Variants in KCNK13 observed in about 807,000 individuals in gnomAD.
The protein encoded by KCNK13 is potassium channel subfamily K member 13.
KCNK13 carries 12 observed loss-of-function variants against 23.4 expected under a neutral mutation model. The ratio of observed to expected loss-of-function variants is 0.51; its 90% CI spans 0.33 to 0.83. The LOEUF is 0.83. KCNK13 is among the 40% of genes least tolerant of loss of function. The probability of loss-of-function intolerance (pLI) is 0.02; values close to 1 mark genes in which losing one functional copy is unlikely to be tolerated. For synonymous variants in KCNK13, 231 were observed against 229.5 expected (o/e 1.01, Z -0.06); for missense variants, 463 against 556.3 (o/e 0.83, Z 1.69).
intron 1 of KCNK13, among the ~76,000 whole-genome samples, chr14:90,077,077 C>G (rs1278114806): frequency 4.7e-5 from 7 of 148,054 alleles, no homozygotes; most frequent in Non-Finnish European, 8.9e-5. Context: ...CCTCAGCCTC[C>G]CAAAGTGCTG....
At position 90,152,078 on chromosome 14, in the gene KCNK13, C is replaced by T. The variant is rs138676126; in HGVS notation, c.335-32033C>T. Among the ~76,000 whole-genome samples, 48 of 152,268 alleles carry T rather than the reference C, an allele frequency of 3.2e-4. No individual in the cohort carries two copies. The East Asian group carries it at 8.7e-3, about 28-fold the overall frequency. ...AAATTTCATGTTGAATTGTAACACC[C>T]ATAATCCTCACATGTTGTGGGAGGG... On this transcript the variant is annotated intron_variant, in intron 1 of 1. Coordinates refer to ENST00000282146, the MANE Select transcript of KCNK13 (RefSeq NM_022054.4).
chr14:90,155,265 G>A (rs1890180668), intron 1 of KCNK13, among the ~76,000 whole-genome samples: 1 of 152,160 alleles, frequency 6.6e-6, no homozygotes, highest in South Asian at 2.1e-4. Flanking sequence ...TGCAGCGGGG[G>A]CCTGGGATGG....
chr14:90,087,117 C>CATATATATACAT (rs1889285164), intron 1 of KCNK13, among the ~76,000 whole-genome samples: 7 of 125,682 alleles, frequency 5.6e-5, no homozygotes, highest in African/African-American at 1.8e-4. Flanking sequence ...TATATATATA[C>CATATATATACAT]ATATATATAT....
chr14:90,166,101 G>A (rs1483469532), intron 1 of KCNK13, among the ~76,000 whole-genome samples: 1 of 152,202 alleles, frequency 6.6e-6, no homozygotes, highest in Non-Finnish European at 1.5e-5. Flanking sequence ...ACTTGTTGCT[G>A]AAGAGTCTAG....
chr14:90,184,756 T>C lies in KCNK13; in HGVS notation c.980T>C (p.Ile327Thr), dbSNP rs377540754. 1 of 1,613,896 alleles carries C rather than the reference T, an allele frequency of 6.2e-7. No homozygotes were observed. The highest frequency in any genetic ancestry group is 2.2e-5 in the East Asian group (1 of 44,874). ...GSVRNRCNISIETDGVAESDT... is the reference protein window; with the variant it reads ...GSVRNRCNISTETDGVAESDT... ...GTCCGGAACCGCTGCAACATCTCCATAGAGACAGACGGGGTGGCAGAGAGT... is the reference window on the plus strand; with the variant it reads ...GTCCGGAACCGCTGCAACATCTCCACAGAGACAGACGGGGTGGCAGAGAGT... Residue 327 changes from isoleucine (I) to threonine (T), a missense_variant, in exon 2 of 2, where the codon ATA becomes ACA. Physicochemically the swap from Ile to Thr is moderately conservative, Grantham distance 89 (BLOSUM62 -1). Around this residue, in one of 3 missense-constraint regions of KCNK13, gnomAD observed 166 missense variants for 178.8 expected, o/e 0.93. Coordinates refer to ENST00000282146, the MANE Select transcript of KCNK13 (RefSeq NM_022054.4). The surrounding 1 kb of genome is among the most constrained non-coding windows in gnomAD (Gnocchi z 5.6).
chr14:90,131,354 C>A (rs760017261), intron 1 of KCNK13, among the ~76,000 whole-genome samples: 20 of 152,004 alleles, frequency 1.3e-4, no homozygotes, highest in Non-Finnish European at 2.5e-4. Flanking sequence ...GCCTCAGCCT[C>A]CCGAGTAACT....
In KCNK13 at chr14:90,184,705, G is replaced by A. The variant is rs141727434; in HGVS notation, c.929G>A (p.Arg310His). 3.2e-5 allele frequency: 51 copies of A among 1,614,208 alleles called. No homozygotes were observed. Among genetic ancestry groups the A allele is most frequent in the Middle Eastern group, 1.6e-4 (1 of 6,062 alleles). The part of the protein sequence containing the change: ...PQCQRGLLRS[R>H]RNVVMPGSVR... Reference sequence around the variant, plus strand: ...TGCCAGAGAGGACTCTTGCGATCACGCAGGAACGTGGTGATGCCAGGCAGC... The same window carrying A: ...TGCCAGAGAGGACTCTTGCGATCACACAGGAACGTGGTGATGCCAGGCAGC... Residue 310 changes from arginine to histidine, a missense_variant, in exon 2 of 2, where the codon CGC (arginine) becomes CAC (histidine). Physicochemically the swap from Arg to His is conservative, Grantham distance 29. Coordinates refer to ENST00000282146, the MANE Select transcript of KCNK13 (RefSeq NM_022054.4). The surrounding 1 kb of genome is among the most constrained non-coding windows in gnomAD (Gnocchi z 5.6).
intron 1 of KCNK13, among the ~76,000 whole-genome samples, chr14:90,067,320 C>T (rs1889021253): frequency 6.6e-6 from 1 of 151,968 alleles, no homozygotes; most frequent in Non-Finnish European, 1.5e-5. Flanking sequence ...CATAGATGGA[C>T]CTTGAAAATA....
intron 1 of KCNK13, among the ~76,000 whole-genome samples, chr14:90,105,314 G>A (rs10145953): frequency 6.6e-6 from 1 of 151,876 alleles, no homozygotes. Flanking sequence ...ATCTTCAGCC[G>A]CACCTGAAGA....
Position 90,183,068 on chromosome 14 carries a change from C to A in KCNK13, c.335-1043C>A, listed in dbSNP as rs529834871. On this transcript the variant is annotated intron_variant, in intron 1 of 1. Transcript: ENST00000282146. ...CTTTCATGAGAAATCCTGAATGTAT[C>A]ATTGCTCTCTTTTCTATTTCTGTTT... is the stretch of plus-strand genomic sequence containing the variant. Among the ~76,000 whole-genome samples, 37 of 152,228 alleles carry A rather than the reference C, an allele frequency of 2.4e-4. No individual in the cohort carries two copies. The East Asian group carries it at 3.5e-3, about 14-fold the overall frequency.
intron 1 of KCNK13, among the ~76,000 whole-genome samples, chr14:90,067,746 G>C (rs1386932898): frequency 6.6e-6 from 1 of 152,176 alleles, no homozygotes; most frequent in Non-Finnish European, 1.5e-5. Context: ...AAAGTAGAAT[G>C]ACAGTATGTC....
intron 1 of KCNK13, among the ~76,000 whole-genome samples, chr14:90,150,821 T>G (rs78444281): frequency 0.065 from 9,876 of 152,052 alleles, 412 homozygotes; most frequent in South Asian, 0.21. Flanking sequence ...TGCTTAAAAG[T>G]GTGTGGCATG....
chr14:90,091,300 G>A (rs765832381), intron 1 of KCNK13, among the ~76,000 whole-genome samples: 10 of 152,082 alleles, frequency 6.6e-5, no homozygotes, highest in Non-Finnish European at 1.0e-4. Flanking sequence ...ATCAGTAGGC[G>A]CAAGAGCTTT....
chr14:90,156,692 G>A (rs1422478493), intron 1 of KCNK13, among the ~76,000 whole-genome samples: 1 of 152,160 alleles, frequency 6.6e-6, no homozygotes, highest in Non-Finnish European at 1.5e-5. Context: ...GTCCTGTGGG[G>A]TATTACGATC....
At chr14:90,107,894 T>C in intron 1 of KCNK13, 1 of 780,662 alleles carries the variant, frequency 1.3e-6, no homozygotes. Context: ...GCCTTGAGTC[T>C]TTATCAGTAA....
At chr14:90,072,977 C>G (rs971087496) in intron 1 of KCNK13, among the ~76,000 whole-genome samples, 6 of 152,142 alleles carry the variant, frequency 3.9e-5, no homozygotes, top group African/African-American at 1.4e-4. Context: ...TATTAATACT[C>G]TCATGTTGCA....
At chr14:90,161,957 T>C in intron 1 of KCNK13, among the ~76,000 whole-genome samples, 1 of 151,822 alleles carries the variant, frequency 6.6e-6, no homozygotes, top group Non-Finnish European at 1.5e-5. Flanking sequence ...GGAAGGAGGA[T>C]TGTGTGAGCC....
chr14:90,120,251 CT>C (rs1243947171), intron 1 of KCNK13, among the ~76,000 whole-genome samples: 10 of 152,132 alleles, frequency 6.6e-5, no homozygotes, highest in African/African-American at 2.2e-4. Context: ...TGATCTTATT[CT>C]TTTTATGACT....
At chr14:90,114,206 C>G (rs138751636) in intron 1 of KCNK13, among the ~76,000 whole-genome samples, 1 of 152,178 alleles carries the variant, frequency 6.6e-6, no homozygotes, top group Non-Finnish European at 1.5e-5. Flanking sequence ...TGCTGCCCTT[C>G]GTGGACTTGT....
Sources: gnomAD v4.1 joint callset for allele counts (sites outside exome capture counted in the v4.1 genomes callset) on GRCh38, gnomAD v4.1.1 for gene constraint, gnomAD v4.1.1 regional missense constraint, Gnocchi (gnomAD v3.1) non-coding constraint, MANE v1.5 for transcripts, NCBI Gene and HGNC (gene_info 2026-07-23, HGNC 2026-07-21) for gene names.